Variants in DEPDC1B observed in about 807,000 individuals in gnomAD.
DEPDC1B encodes DEP domain-containing protein 1B.
Under a neutral mutation model 66.5 loss-of-function variants are expected in DEPDC1B, and 51 were observed. The observed-to-expected ratio is 0.77, with a 90% CI of 0.61 to 0.97. The LOEUF (loss-of-function observed/expected upper bound fraction) is 0.97. Among genes scored for constraint, DEPDC1B ranks in the 50% least tolerant of loss-of-function variants. The probability of loss-of-function intolerance (pLI) is 0.00; values close to 1 mark genes in which losing one functional copy is unlikely to be tolerated. For missense variants in DEPDC1B, 552 were observed against 637.1 expected (o/e 0.87, Z 1.44); for synonymous variants, 226 against 223.6 (o/e 1.01, Z -0.10).
At chr5:60,618,291 G>C (rs1250200630) in intron 7 of DEPDC1B, among the ~76,000 whole-genome samples, 1 of 152,114 alleles carries the variant, frequency 6.6e-6, no homozygotes, top group Non-Finnish European at 1.5e-5. Context: ...TAAGATCAGA[G>C]CAGAACTGAA....
intron 7 of DEPDC1B, among the ~76,000 whole-genome samples, chr5:60,621,250 G>A (rs577739898): frequency 6.6e-6 from 1 of 151,294 alleles, no homozygotes; most frequent in East Asian, 1.9e-4. Flanking sequence ...TAACAAACCT[G>A]CATGTTGTGC....
rs1425567555 is a variant in DEPDC1B at position 60,603,957 on chromosome 5, T to C, written c.1066-390A>G. On this transcript the variant is annotated intron_variant, in intron 8 of 10. Transcript: ENST00000265036. ...TTCAAAGCACTTTATAGCCATTTAG[T>C]CAATTATTATTTATCCTAATTTCAT... Among the ~76,000 whole-genome samples the C allele has an allele frequency of 3.3e-5, 5 of 151,694 alleles. No individual in the cohort carries two copies. In the East Asian group the frequency reaches 9.6e-4, roughly 29 times the overall value.
intron 7 of DEPDC1B, among the ~76,000 whole-genome samples, chr5:60,616,526 G>A (rs1584031980): frequency 6.6e-6 from 1 of 152,174 alleles, no homozygotes; most frequent in South Asian, 2.1e-4. Flanking sequence ...TCGATCAAAT[G>A]GAAGGAAGGG....
intron 7 of DEPDC1B, among the ~76,000 whole-genome samples, chr5:60,614,162 C>T (rs1474689710): frequency 1.3e-5 from 2 of 152,136 alleles, no homozygotes; most frequent in Non-Finnish European, 2.9e-5. Context: ...TCTTTCTGAG[C>T]ATGGTTCTAA....
intron 7 of DEPDC1B, among the ~76,000 whole-genome samples, chr5:60,617,996 G>A (rs527387584): frequency 3.3e-5 from 5 of 152,234 alleles, no homozygotes; most frequent in Admixed American, 6.5e-5. Context: ...ACTCAAAACC[G>A]CTCGACTACA....
chr5:60,621,442 G>A (rs1752698918), intron 7 of DEPDC1B, among the ~76,000 whole-genome samples: 1 of 151,710 alleles, frequency 6.6e-6, no homozygotes, highest in South Asian at 2.1e-4. Context: ...ACTATCGCAG[G>A]GACAAAAAAC....
intron 9 of DEPDC1B, among the ~76,000 whole-genome samples, chr5:60,601,346 C>T (rs1244882191): frequency 6.6e-6 from 1 of 152,092 alleles, no homozygotes. Context: ...CACTTTTCAC[C>T]CATGCAAGTG....
At chr5:60,646,649 C>T (rs1753323191) in intron 3 of DEPDC1B, among the ~76,000 whole-genome samples, 1 of 152,124 alleles carries the variant, frequency 6.6e-6, no homozygotes, top group African/African-American at 2.4e-5. Context: ...ACGAGGTGTC[C>T]TCAACCCACA....
Position 60,597,501 on chromosome 5 carries a change from C to G in DEPDC1B, c.*252G>C. 1 of 329,526 alleles carries G rather than the reference C, an allele frequency of 3.0e-6. No homozygotes were observed. Among genetic ancestry groups the G allele is most frequent in the Non-Finnish European group, 5.4e-6 (1 of 184,120 alleles). 20.4% of individuals were successfully genotyped at this position (329,526 alleles called of 1,614,324 possible). Reference sequence around the variant, plus strand: ...ATACCCTTAAATTCTGTAGCAATTACAAACATGTTAACATTATCACTATAT... The same window carrying G: ...ATACCCTTAAATTCTGTAGCAATTAGAAACATGTTAACATTATCACTATAT... On this transcript the variant is annotated 3_prime_UTR_variant, in exon 11 of 11. Coordinates refer to ENST00000265036, the MANE Select transcript of DEPDC1B (RefSeq NM_018369.3).
chr5:60,670,811 A>G (rs1250584222), intron 2 of DEPDC1B, among the ~76,000 whole-genome samples: 1 of 152,194 alleles, frequency 6.6e-6, no homozygotes, highest in African/African-American at 2.4e-5. Context: ...ACTCAAAGGG[A>G]CATATTCTTG....
intron 7 of DEPDC1B, among the ~76,000 whole-genome samples, chr5:60,634,020 T>C (rs192712323): frequency 6.6e-6 from 1 of 152,246 alleles, no homozygotes; most frequent in East Asian, 1.9e-4. Context: ...GAGGCAACCA[T>C]GGACAGGTAT....
intron 6 of DEPDC1B, among the ~76,000 whole-genome samples, chr5:60,642,347 G>C (rs1431529838): frequency 6.6e-6 from 1 of 152,138 alleles, no homozygotes. Context: ...GTGTTTCTGA[G>C]ATACTATAAC....
At chr5:60,691,677 TA>T (rs950296033) in intron 1 of DEPDC1B, among the ~76,000 whole-genome samples, 8 of 150,680 alleles carry the variant, frequency 5.3e-5, no homozygotes, top group Admixed American at 3.3e-4. Context: ...AGGTATATCA[TA>T]AAAAAAAAGA....
chr5:60,603,719 G>A (rs1368509095), intron 8 of DEPDC1B, 152 bp from the exon 9 acceptor site: 1 of 708,218 alleles, frequency 1.4e-6, no homozygotes, highest in Non-Finnish European at 2.1e-6. Flanking sequence ...TGGGTTGACG[G>A]TCTCAACAAC....
intron 1 of DEPDC1B, among the ~76,000 whole-genome samples, chr5:60,696,359 C>T (rs1057262641): frequency 1.3e-5 from 2 of 152,122 alleles, no homozygotes; most frequent in African/African-American, 4.8e-5. Context: ...TTTGAATTTA[C>T]TCATTTTGAT....
At chr5:60,599,985 G>A (rs1478541407) in intron 9 of DEPDC1B, among the ~76,000 whole-genome samples, 1 of 152,134 alleles carries the variant, frequency 6.6e-6, no homozygotes, top group Non-Finnish European at 1.5e-5. Flanking sequence ...CCACGACCGA[G>A]CTGGTCTCGG....
chr5:60,647,129 G>A (rs78028636), intron 3 of DEPDC1B, among the ~76,000 whole-genome samples: 2,799 of 150,700 alleles, frequency 0.019, 103 homozygotes, highest in African/African-American at 0.065. Context: ...TGGAGAAATT[G>A]TCTTCCATGA....
chr5:60,605,372 C>G (rs1455647391), intron 8 of DEPDC1B, among the ~76,000 whole-genome samples: 2 of 152,126 alleles, frequency 1.3e-5, no homozygotes, highest in Non-Finnish European at 1.5e-5. Context: ...TTGATTGACT[C>G]TATAATGTAT....
intron 5 of DEPDC1B, 115 bp downstream of exon 5, chr5:60,644,630 C>T (rs545673848): frequency 2.3e-5 from 18 of 792,612 alleles, no homozygotes; most frequent in Admixed American, 6.6e-5. Flanking sequence ...AAAGAATATA[C>T]GTAATGAAGG....
Sources: allele counts gnomAD v4.1 joint callset (sites outside exome capture counted in the v4.1 genomes callset), GRCh38; gene constraint gnomAD v4.1.1; transcripts MANE v1.5; gene names NCBI Gene and HGNC (gene_info 2026-07-23, HGNC 2026-07-21).